Variants in C1orf87 observed in about 807,000 individuals in gnomAD.
C1orf87 encodes uncharacterized protein C1orf87.
In C1orf87, 58 loss-of-function variants were observed where a neutral mutation model predicts 60.5. That is an observed-to-expected ratio of 0.96 (90% CI 0.78 to 1.19). The LOEUF is 1.19. Among genes scored for constraint, C1orf87 ranks in the 50% most tolerant of loss-of-function variants. The probability of loss-of-function intolerance (pLI) is 0.00; values close to 1 mark genes in which losing one functional copy is unlikely to be tolerated. For missense variants in C1orf87, 673 were observed against 638.6 expected, an observed-to-expected ratio of 1.05 and a Z score of -0.58; for synonymous variants, 236 against 227.4, an observed-to-expected ratio of 1.04 and a Z score of -0.34.
chr1:60,012,190 A>G (rs181835530), intron 8 of C1orf87, among the ~76,000 whole-genome samples: 2 of 151,138 alleles, frequency 1.3e-5, no homozygotes, highest in East Asian at 3.9e-4. Flanking sequence ...AAAAAAAAAC[A>G]CAAAACAACA....
Position 60,067,559 on chromosome 1 carries a change from G to T in C1orf87, c.107+4978C>A, listed in dbSNP as rs1255391300. 7.4e-4 allele frequency among the ~76,000 whole-genome samples: 98 copies of T among 133,058 alleles called. 1 individual carries two copies. The highest frequency in any genetic ancestry group is 1.3e-3 in the Non-Finnish European group (77 of 61,066). The allele number at this position is 133,058 out of a possible 152,430, so 87.3% of individuals were successfully genotyped here. ...ATATCTTTTGCCCACTTTTTGATGG[G>T]GTTTTTTTTTTTTTTTTTTTTTTGG... is the stretch of plus-strand genomic sequence containing the variant. On this transcript the variant is annotated intron_variant, in intron 2 of 11. Coordinates refer to ENST00000371201, the MANE Select transcript of C1orf87 (RefSeq NM_152377.3).
chr1:60,072,501 C>T, intron 2 of C1orf87, 36 bp downstream of exon 2: 2 of 1,455,360 alleles, frequency 1.4e-6, no homozygotes, highest in Non-Finnish European at 9.4e-7. Context: ...TCATTATCAT[C>T]CAAGCAACAT....
chr1:60,020,336 C>T (rs1645154447), intron 8 of C1orf87, among the ~76,000 whole-genome samples: 2 of 152,208 alleles, frequency 1.3e-5, no homozygotes, highest in Admixed American at 1.3e-4. Context: ...GTCCTCCAGA[C>T]CCCAGAATGG....
At position 59,997,829 on chromosome 1, in the gene C1orf87, CA is replaced by C. The variant is rs1395178462; in HGVS notation, c.1273-14del. On this transcript the variant is annotated splice_polypyrimidine_tract_variant and intron_variant, in intron 10 of 11. Transcript: ENST00000371201. ...CTTCTGGAGTTTTCTACCAAAACAA[CA>C]AAAGCATTGGCAACACATTCACCAC... is the stretch of plus-strand genomic sequence containing the variant. The C allele has an allele frequency of 2.5e-6, 4 of 1,611,256 alleles. No homozygotes were observed. The African/African-American group carries it at 4.0e-5, about 16-fold the overall frequency.
chr1:60,017,510 C>CCAACA (rs1645132259), intron 8 of C1orf87, among the ~76,000 whole-genome samples: 1 of 152,174 alleles, frequency 6.6e-6, no homozygotes, highest in Non-Finnish European at 1.5e-5. Context: ...ATCCCTTCCC[C>CCAACA]CAACACAATT....
rs539384721 is a variant in C1orf87, at chr1:60,046,173, T to TTTCC, written c.343-5046_343-5043dup. Among the ~76,000 whole-genome samples the TTTCC allele has an allele frequency of 4.2e-3, 634 of 149,576 alleles. 2 individuals are homozygous for TTTCC. Among genetic ancestry groups the TTTCC allele is most frequent in the Admixed American group, 8.3e-3 (125 of 14,992 alleles). On this transcript the variant is annotated intron_variant, in intron 3 of 11. Transcript: ENST00000371201. ...CTTCTTTCCTTCCTCTCCTTGCTTCTTTCCTTCCTTCCTTCCTTCTTTCCT... is the reference window on the plus strand; with the variant it reads ...CTTCTTTCCTTCCTCTCCTTGCTTCTTTCCTTCCTTCCTTCCTTCCTTCTTTCCT...
In C1orf87 at chr1:60,038,026, T is replaced by C. The variant is rs767709597; in HGVS notation, c.829A>G (p.Arg277Gly). ...TGAGTGCCATGACTCTCAGTTTTTC[T>C]CAGGTCTGCAGCTGCTTTATTTTGC... ...PQQNKAAADL[R>G]KTESHGTHSQ... Residue 277 changes from arginine to glycine, a missense_variant, in exon 6 of 12, where the codon AGA (arginine) becomes GGA (glycine). Physicochemically the swap from Arg to Gly is moderately radical, Grantham distance 125. Transcript: ENST00000371201. The C allele has an allele frequency of 1.9e-6, 3 of 1,610,852 alleles. No homozygotes were observed. The highest frequency in any genetic ancestry group is 2.5e-6 in the Non-Finnish European group (3 of 1,177,562).
At chr1:60,064,334 C>CATATATAAATTATATATAATATATA (rs1645519968) in intron 2 of C1orf87, among the ~76,000 whole-genome samples, 1 of 76,074 alleles carries the variant, frequency 1.3e-5, no homozygotes, top group Non-Finnish European at 2.9e-5. Flanking sequence ...ATTATATATA[C>CATATATAAATTATATATAATATATA]TATATATGTA....
chr1:59,993,031 A>G (rs1238914738), intron 11 of C1orf87, among the ~76,000 whole-genome samples: 1 of 151,942 alleles, frequency 6.6e-6, no homozygotes, highest in Non-Finnish European at 1.5e-5. Flanking sequence ...ATTTCTCCAC[A>G]CCCTGCCTCT....
At chr1:60,002,962 C>T (rs908168493) in intron 9 of C1orf87, among the ~76,000 whole-genome samples, 8 of 151,490 alleles carry the variant, frequency 5.3e-5, no homozygotes, top group African/African-American at 1.9e-4. Flanking sequence ...CCAGCCATCC[C>T]ATTACTGGGT....
rs1645291116 is a variant in C1orf87, at chr1:60,038,075, GT to G, written c.779del (p.Asn260ThrfsTer17). ...VNYEKLLWFL[N>X]SAASDYPQQN... is the part of the protein sequence containing the mutation. ...GCTGTGGATAATCTGATGCTGCACT[GT>G]TTAAAAACCAGAGTAGCTTTTCATA... On this transcript the variant is annotated frameshift_variant, in exon 6 of 12. Transcript: ENST00000371201. LOFTEE classifies it high-confidence loss of function. 6.3e-7 allele frequency: 1 copy of G among 1,583,008 alleles called. No individual in the cohort carries two copies. Among genetic ancestry groups the G allele is most frequent in the Non-Finnish European group, 8.6e-7 (1 of 1,157,500 alleles).
At chr1:60,072,832 T>C (rs1645593496) in intron 1 of C1orf87, among the ~76,000 whole-genome samples, 162 bp from the exon 2 acceptor site, 1 of 152,236 alleles carries the variant, frequency 6.6e-6, no homozygotes, top group Admixed American at 6.5e-5. Flanking sequence ...TATTTTTAAC[T>C]ACTATTATCA....
At chr1:60,045,716 T>G (rs1645361312) in intron 3 of C1orf87, among the ~76,000 whole-genome samples, 1 of 152,170 alleles carries the variant, frequency 6.6e-6, no homozygotes, top group African/African-American at 2.4e-5. Context: ...CTCAGCTTCC[T>G]CTGGGAGTCT....
intron 9 of C1orf87, among the ~76,000 whole-genome samples, chr1:60,007,383 A>G (rs973853689): frequency 2.0e-5 from 3 of 151,972 alleles, no homozygotes; most frequent in African/African-American, 7.2e-5. Context: ...AAGTGTAGAT[A>G]TTCCATTTGA....
Position 60,055,403 on chromosome 1 carries a change from G to GT in C1orf87, c.142dup (p.Thr48AsnfsTer9). 1 of 1,614,114 alleles carries GT rather than the reference G, an allele frequency of 6.2e-7. No individual in the cohort carries two copies. The highest frequency in any genetic ancestry group is 1.1e-5 in the South Asian group (1 of 91,072). On this transcript the variant is annotated frameshift_variant, in exon 3 of 12. Transcript: ENST00000371201. LOFTEE classifies it high-confidence loss of function. ...ATCAGTCATTGGTTTCTGGTGCATT[G>GT]TTTGGGTTTCTGTTTTCAAGCTGTC...
At chr1:60,015,194 G>A (rs1645116896) in intron 8 of C1orf87, among the ~76,000 whole-genome samples, 1 of 152,108 alleles carries the variant, frequency 6.6e-6, no homozygotes, top group African/African-American at 2.4e-5. Context: ...TTAGGCCGTG[G>A]GGGCAGAGCC....
intron 9 of C1orf87, among the ~76,000 whole-genome samples, chr1:60,006,075 A>G (rs1367432004): frequency 1.3e-5 from 2 of 152,064 alleles, no homozygotes; most frequent in Admixed American, 1.3e-4. Flanking sequence ...TTTCTTAGAT[A>G]GTAAAGTTCT....
intron 10 of C1orf87, among the ~76,000 whole-genome samples, chr1:59,999,486 G>C (rs932714396): frequency 6.6e-6 from 1 of 152,044 alleles, no homozygotes; most frequent in African/African-American, 2.4e-5. Context: ...GAGATCACAG[G>C]TGCCCTTGGA....
chr1:60,002,651 T>C (rs1174202032), intron 9 of C1orf87, among the ~76,000 whole-genome samples: 1 of 152,110 alleles, frequency 6.6e-6, no homozygotes, highest in Non-Finnish European at 1.5e-5. Context: ...ATCCCATTTG[T>C]CAATTTTGTC....
Sources: gnomAD v4.1 joint callset for allele counts (sites outside exome capture counted in the v4.1 genomes callset) on GRCh38, gnomAD v4.1.1 for gene constraint, MANE v1.5 for transcripts, NCBI Gene and HGNC (gene_info 2026-07-23, HGNC 2026-07-21) for gene names.